Variants in GRAMD2B observed in about 807,000 individuals in gnomAD.
The protein encoded by GRAMD2B is GRAM domain-containing protein 2B.
A neutral mutation model predicts 59.2 loss-of-function variants in GRAMD2B; 41 were observed. The observed-to-expected ratio is 0.69, with a 90% confidence interval of 0.54 to 0.90. The LOEUF (loss-of-function observed/expected upper bound fraction) is 0.90. GRAMD2B is among the 40% of genes least tolerant of loss of function. GRAMD2B has a pLI of 0.00. For synonymous variants in GRAMD2B, 161 were observed against 182.7 expected, an observed-to-expected ratio of 0.88 and a Z score of 0.96; for missense variants, 424 against 500.5, an observed-to-expected ratio of 0.85 and a Z score of 1.46.
intron 1 of GRAMD2B, among the ~76,000 whole-genome samples, chr5:126,364,201 C>G (rs1384010521): frequency 1.3e-5 from 2 of 152,082 alleles, no homozygotes; most frequent in Non-Finnish European, 2.9e-5. Context: ...GATTAGGAAA[C>G]TAAAATATAG....
intron 12 of GRAMD2B, among the ~76,000 whole-genome samples, chr5:126,487,890 C>G (rs1013286613): frequency 2.6e-5 from 4 of 152,124 alleles, no homozygotes; most frequent in South Asian, 2.1e-4. Context: ...TAATTTGCAT[C>G]AGAATTATCT....
intron 1 of GRAMD2B, among the ~76,000 whole-genome samples, chr5:126,425,030 T>A (rs4836257): frequency 0.19 from 29,427 of 152,186 alleles, 3,184 homozygotes; most frequent in East Asian, 0.47. Flanking sequence ...AATAGGCTTC[T>A]CTGCCAAGAT....
chr5:126,427,543 C>G (rs1487460586), intron 1 of GRAMD2B, among the ~76,000 whole-genome samples: 1 of 152,100 alleles, frequency 6.6e-6, no homozygotes, highest in African/African-American at 2.4e-5. Flanking sequence ...CAACTCCATA[C>G]GGATGTAGGA....
chr5:126,381,151 A>G (rs1714432632), intron 1 of GRAMD2B, among the ~76,000 whole-genome samples: 1 of 152,164 alleles, frequency 6.6e-6, no homozygotes, highest in African/African-American at 2.4e-5. Flanking sequence ...GCATCTATGG[A>G]GATGATCATG....
At chr5:126,448,130 A>G (rs924787226) in intron 1 of GRAMD2B, among the ~76,000 whole-genome samples, 1 of 152,178 alleles carries the variant, frequency 6.6e-6, no homozygotes, top group Non-Finnish European at 1.5e-5. Flanking sequence ...TGCTGGGATT[A>G]CAAGTGTGAG....
intron 1 of GRAMD2B, chr5:126,360,538 A>G: frequency 1.4e-6 from 2 of 1,394,772 alleles, no homozygotes; most frequent in Admixed American, 2.3e-5. Context: ...CCTTTTTGGT[A>G]TCTTAAGGAC....
At chr5:126,450,528 CCTCA>C (rs1765144635) in intron 1 of GRAMD2B, among the ~76,000 whole-genome samples, 1 of 151,948 alleles carries the variant, frequency 6.6e-6, no homozygotes. Context: ...ACTAGCAATG[CCTCA>C]CTCTGGGTTA....
At chr5:126,394,418 G>A (rs546446419) in intron 1 of GRAMD2B, among the ~76,000 whole-genome samples, 132 of 152,216 alleles carry the variant, frequency 8.7e-4, no homozygotes, top group African/African-American at 3.0e-3. Context: ...ATGACCTGAC[G>A]AGCTAAAACT....
At chr5:126,387,229 A>G (rs1756231597) in intron 1 of GRAMD2B, among the ~76,000 whole-genome samples, 1 of 151,190 alleles carries the variant, frequency 6.6e-6, no homozygotes, top group African/African-American at 2.4e-5. Flanking sequence ...AAGAAAAACC[A>G]CCAATACTGA....
chr5:126,466,665 A>G (rs960698130), intron 2 of GRAMD2B, among the ~76,000 whole-genome samples: 2 of 152,136 alleles, frequency 1.3e-5, no homozygotes, highest in Admixed American at 1.3e-4. Context: ...ACCTCAGGTG[A>G]TCCACCGGCC....
At chr5:126,422,411 C>A (rs1344491638), upstream of GRAMD2B, among the ~76,000 whole-genome samples, 1 of 152,148 alleles carries the variant, frequency 6.6e-6, no homozygotes, top group East Asian at 1.9e-4. Flanking sequence ...GTTGGCCATG[C>A]TAGTCTCGAA....
chr5:126,469,687 A>G lies in GRAMD2B; in HGVS notation c.214A>G (p.Ser72Gly). The change falls in exon 3 of 14, where the codon AGT becomes GGT. Residue 72 changes from serine (S) to glycine (G), a missense_variant. Physicochemically the swap from Ser to Gly is moderately conservative, Grantham distance 56. Transcript: ENST00000285689. Reference sequence around the variant, plus strand: ...ACTTTCTTTCTTTAGGTCAAAATCCAGTTTTGATGGTGCCTCTTTAGCAAG... The same window carrying G: ...ACTTTCTTTCTTTAGGTCAAAATCCGGTTTTGATGGTGCCTCTTTAGCAAG... ...KKIISLWSKSSFDGASLASDK... is the reference protein window; with the variant it reads ...KKIISLWSKSGFDGASLASDK... 6.6e-7 allele frequency: 1 copy of G among 1,517,586 alleles called. No individual in the cohort carries two copies. Among genetic ancestry groups the G allele is most frequent in the Non-Finnish European group, 9.0e-7 (1 of 1,109,242 alleles). The allele number at this position is 1,517,586 out of a possible 1,614,324, so 94.0% of individuals were successfully genotyped here.
intron 6 of GRAMD2B, among the ~76,000 whole-genome samples, chr5:126,478,140 G>GAA (rs11376080): frequency 0.28 from 34,970 of 126,538 alleles, 4,920 homozygotes; most frequent in Middle Eastern, 0.32. Context: ...GTCTTAAAGG[G>GAA]AAAAAAAAAA....
intron 1 of GRAMD2B, among the ~76,000 whole-genome samples, chr5:126,408,103 C>T (rs776170621): frequency 1.3e-4 from 19 of 151,968 alleles, no homozygotes; most frequent in Non-Finnish European, 2.2e-4. Context: ...TTGCTCCCCT[C>T]CTTCCCTGCT....
rs536131298 is a variant in GRAMD2B, at chr5:126,360,289, G to A, written c.-43G>A. On this transcript the variant is annotated 5_prime_UTR_variant, in exon 1 of 14. Transcript: ENST00000513040. The stretch of plus-strand genomic sequence containing the variant: ...TGGTGTAAATACAAAGTTCCTTCCC[G>A]ACATTTCCCAGAGTTTCTTGAAGAT... 87 of 1,548,476 alleles carry A rather than the reference G, an allele frequency of 5.6e-5. No individual in the cohort carries two copies. In the East Asian group the frequency reaches 5.6e-4, roughly 10 times the overall value.
At chr5:126,441,183 T>G (rs1345871440) in intron 1 of GRAMD2B, among the ~76,000 whole-genome samples, 1 of 152,182 alleles carries the variant, frequency 6.6e-6, no homozygotes, top group Admixed American at 6.5e-5. Context: ...AAGCTTAAGA[T>G]CCCCTACTTT....
At chr5:126,423,136 C>G, upstream of GRAMD2B, 3 of 994,298 alleles carry the variant, frequency 3.0e-6, no homozygotes, top group Non-Finnish European at 3.6e-6. Context: ...CAGACGTCTC[C>G]ATTTCCGGTA....
At chr5:126,435,392 C>T (rs1267788896) in intron 1 of GRAMD2B, among the ~76,000 whole-genome samples, 1 of 152,150 alleles carries the variant, frequency 6.6e-6, no homozygotes, top group Non-Finnish European at 1.5e-5. Flanking sequence ...GGATAGGATA[C>T]TTGAAAGTTC....
At chr5:126,427,709 A>C (rs901306626) in intron 1 of GRAMD2B, among the ~76,000 whole-genome samples, 1 of 152,230 alleles carries the variant, frequency 6.6e-6, no homozygotes, top group Non-Finnish European at 1.5e-5. Context: ...CATCTAAACT[A>C]TCCATCTTTG....
Sources: gnomAD v4.1 joint callset for allele counts (sites outside exome capture counted in the v4.1 genomes callset) on GRCh38, gnomAD v4.1.1 for gene constraint, MANE v1.5 for transcripts, NCBI Gene and HGNC (gene_info 2026-07-23, HGNC 2026-07-21) for gene names.